Variants in ADCY3 observed in about 807,000 individuals in gnomAD.
ADCY3 encodes adenylate cyclase 3, also known as adenylate cyclase type 3.
Under a neutral mutation model 119.4 loss-of-function variants are expected in ADCY3, and 70 were observed. The ratio of observed to expected loss-of-function variants is 0.59; its 90% confidence interval spans 0.48 to 0.72. The LOEUF is 0.72. ADCY3 is among the 30% of genes least tolerant of loss of function. The pLI, the probability that ADCY3 is intolerant of heterozygous loss-of-function variation, is 0.00. For missense variants in ADCY3, 1,238 were observed against 1,541.6 expected, an observed-to-expected ratio of 0.80 and a Z score of 3.30; for synonymous variants, 672 against 621.4, an observed-to-expected ratio of 1.08 and a Z score of -1.21.
rs1478878534 is a variant in ADCY3 at position 24,842,599 on chromosome 2, T to C, written c.826-215A>G. On this transcript the variant is annotated intron_variant, in intron 3 of 21. Coordinates refer to ENST00000679454, the MANE Select transcript of ADCY3 (RefSeq NM_004036.5). This position sits in a 1 kb window ranked among gnomAD's most constrained non-coding sequence, Gnocchi z 4.9. The stretch of plus-strand genomic sequence containing the variant: ...CAAGGCTGAGGGTGGCAATGGCCCC[T>C]TCAGAGCAACTGAGGGGAGCCAGAA... 2 of 574,144 alleles carry C rather than the reference T, an allele frequency of 3.5e-6. No individual in the cohort carries two copies. The highest frequency in any genetic ancestry group is 4.3e-4 in the Middle Eastern group (1 of 2,320). 35.6% of individuals were successfully genotyped at this position (574,144 alleles called of 1,614,324 possible). A position where few individuals can be genotyped will look rare whatever the true frequency, so the allele number is the denominator to read the frequency against.
chr2:24,866,587 A>AG (rs1674346523), intron 3 of ADCY3, among the ~76,000 whole-genome samples: 1 of 140,880 alleles, frequency 7.1e-6, no homozygotes, highest in South Asian at 2.3e-4. Flanking sequence ...AAAAAAAAAG[A>AG]AAAAAAAAAA....
At chr2:24,825,464 A>G in intron 16 of ADCY3, 1 of 153,084 alleles carries the variant, frequency 6.5e-6, no homozygotes, top group East Asian at 1.9e-4. Flanking sequence ...CCTCTCAAGT[A>G]GCTGGGATTA....
At chr2:24,908,867 G>A (rs13382979) in intron 2 of ADCY3, among the ~76,000 whole-genome samples, 49,041 of 150,152 alleles carry the variant, frequency 0.33, 8,041 homozygotes, top group East Asian at 0.38. Context: ...AAGCAGGGGC[G>A]GGTTACAGAT....
In ADCY3 at chr2:24,827,599, C is replaced by G. The variant is rs1668804891; in HGVS notation, c.2442G>C (p.Met814Ile). Residue 814 changes from methionine (M) to isoleucine (I), a missense_variant, in exon 15 of 22, where the codon ATG (methionine) becomes ATC (isoleucine). Transcript: ENST00000679454. ...ATCCTTGCATCTGCTCTAAGGCCAC[C>G]ATAGGTAAGCTGTTGGACAGATAAC... ...HKRFREHDLP[M>I]VALEQMQGFN... 3 of 1,586,430 alleles carry G rather than the reference C, an allele frequency of 1.9e-6. No individual in the cohort carries two copies. The African/African-American group carries it at 4.0e-5, about 21-fold the overall frequency.
Position 24,838,484 on chromosome 2 carries a change from C to T in ADCY3, c.1494G>A (p.Glu498=), listed in dbSNP as rs144223261. 1 of 1,613,836 alleles carries T rather than the reference C, an allele frequency of 6.2e-7. No homozygotes were observed. Among genetic ancestry groups the T allele is most frequent in the Non-Finnish European group, 8.5e-7 (1 of 1,180,040 alleles). ...ETYLIIASKP[E]VKKTATQNGL... ...CATTCTGGGTGGCTGTTTTCTTCAC[C>T]TCTGGCTTGGAGGCAATGATGAGGT... is the stretch of plus-strand genomic sequence containing the variant. The change falls in exon 8 of 22, where the codon GAG becomes GAA. Residue 498 remains glutamate (E), a synonymous_variant. Coordinates refer to ENST00000679454, the MANE Select transcript of ADCY3 (RefSeq NM_004036.5).
At chr2:24,820,274 C>T (rs558434136) in intron 21 of ADCY3, 160 bp from the exon 22 acceptor site, 31 of 1,226,098 alleles carry the variant, frequency 2.5e-5, no homozygotes, top group African/African-American at 9.3e-5. Flanking sequence ...CCACCCGTGG[C>T]GAGCAGCGGG....
chr2:24,909,748 C>T (rs368904014), intron 2 of ADCY3, among the ~76,000 whole-genome samples: 25 of 152,110 alleles, frequency 1.6e-4, no homozygotes, highest in East Asian at 9.6e-4. Flanking sequence ...TAATTAGTTC[C>T]GTCTCCCCAG....
rs949149087 is a variant in ADCY3, at chr2:24,841,790, C to T, written c.957-123G>A. 12 of 709,440 alleles carry T rather than the reference C, an allele frequency of 1.7e-5. No homozygotes were observed. Among genetic ancestry groups the T allele is most frequent in the African/African-American group, 8.8e-5 (5 of 56,594 alleles). 43.9% of individuals were successfully genotyped at this position (709,440 alleles called of 1,614,324 possible). On this transcript the variant is annotated intron_variant, in intron 4 of 21. Coordinates refer to ENST00000679454, the MANE Select transcript of ADCY3 (RefSeq NM_004036.5). This position sits in a 1 kb window ranked among gnomAD's most constrained non-coding sequence, Gnocchi z 5.8. ...CAGGGCAGGAGAAGGTCCTCCCTCA[C>T]GACCCCCAGACAGTGAGACCCTGAC...
chr2:24,917,244 C>A (rs1664570064), intron 2 of ADCY3, among the ~76,000 whole-genome samples: 1 of 152,226 alleles, frequency 6.6e-6, no homozygotes, highest in Non-Finnish European at 1.5e-5. Flanking sequence ...CCTGCCTCTC[C>A]TGACACCCAG....
rs1675121532 is a variant in ADCY3, at chr2:24,872,344, G to A, written c.825+226C>T. Among the ~76,000 whole-genome samples, 1 of 152,304 alleles carries A rather than the reference G, an allele frequency of 6.6e-6. No individual in the cohort carries two copies. ...CAGGAAGGCAGAAGAGGAGAGATCTGGGTCAAGCAGAAGCAGATTTAGGAG... is the reference window on the plus strand; with the variant it reads ...CAGGAAGGCAGAAGAGGAGAGATCTAGGTCAAGCAGAAGCAGATTTAGGAG... On this transcript the variant is annotated intron_variant, in intron 3 of 21. Transcript: ENST00000679454. The surrounding 1 kb of genome is among the most constrained non-coding windows in gnomAD (Gnocchi z 4.4).
chr2:24,907,110 C>A (rs909548110), intron 2 of ADCY3, among the ~76,000 whole-genome samples: 1 of 152,060 alleles, frequency 6.6e-6, no homozygotes, highest in Non-Finnish European at 1.5e-5. Context: ...AAGAGCAAAA[C>A]TCCATCTCAA....
chr2:24,900,378 A>T (rs1678767602), intron 2 of ADCY3, among the ~76,000 whole-genome samples: 1 of 151,830 alleles, frequency 6.6e-6, no homozygotes, highest in African/African-American at 2.4e-5. Context: ...AATTTTTTAA[A>T]AACGTAAATG....
chr2:24,835,567 A>G (rs977984604), intron 9 of ADCY3, among the ~76,000 whole-genome samples: 5 of 152,186 alleles, frequency 3.3e-5, no homozygotes, highest in African/African-American at 9.7e-5. Flanking sequence ...TGACACAGCC[A>G]TCAGTCTGAA....
Position 24,830,828 on chromosome 2 carries a change from A to G in ADCY3, c.2056-3T>C, listed in dbSNP as rs1159372513. On this transcript the variant is annotated splice_polypyrimidine_tract_variant and splice_region_variant and intron_variant, in intron 12 of 21. Transcript: ENST00000679454. Reference sequence around the variant, plus strand: ...GCCACAAGCTTCTTAGGAAAGGCCTAGAAGGAACAGAATTTCAAGGGCCAT... The same window carrying G: ...GCCACAAGCTTCTTAGGAAAGGCCTGGAAGGAACAGAATTTCAAGGGCCAT... 6.2e-7 allele frequency: 1 copy of G among 1,610,834 alleles called. No individual in the cohort carries two copies. Among genetic ancestry groups the G allele is most frequent in the Non-Finnish European group, 8.5e-7 (1 of 1,177,456 alleles).
At chr2:24,875,304 A>G (rs1410037185) in intron 2 of ADCY3, among the ~76,000 whole-genome samples, 1 of 152,180 alleles carries the variant, frequency 6.6e-6, no homozygotes, top group African/African-American at 2.4e-5. Context: ...CTCTCCCACA[A>G]AGTCGTGGCT....
intron 2 of ADCY3, among the ~76,000 whole-genome samples, chr2:24,882,093 T>C (rs1302479397): frequency 6.6e-6 from 1 of 152,240 alleles, no homozygotes; most frequent in African/African-American, 2.4e-5. Context: ...AACAAGTAGA[T>C]TTATTTTTAT....
At chr2:24,887,405 G>A (rs570322422) in intron 2 of ADCY3, among the ~76,000 whole-genome samples, 5 of 152,226 alleles carry the variant, frequency 3.3e-5, no homozygotes, top group Admixed American at 2.6e-4. Context: ...TTCCACCTGC[G>A]AGCTCCACGG....
chr2:24,820,774 C>T lies in ADCY3; in HGVS notation c.3202G>A (p.Val1068Ile). 1 of 1,614,120 alleles carries T rather than the reference C, an allele frequency of 6.2e-7. No individual in the cohort carries two copies. Among genetic ancestry groups the T allele is most frequent in the Non-Finnish European group, 8.5e-7 (1 of 1,180,002 alleles). The change falls in exon 21 of 22, where the codon GTC becomes ATC. Residue 1068 changes from valine to isoleucine, a missense_variant. Transcript: ENST00000679454. Reference sequence around the variant, plus strand: ...GACTCCATCCTGCTGGCTACATTGACTGTATTGCCCCAGATGTCGTAGTGT... The same window carrying T: ...GACTCCATCCTGCTGGCTACATTGATTGTATTGCCCCAGATGTCGTAGTGT... ...KPHYDIWGNT[V>I]NVASRMESTG...
rs35242892 is a variant in ADCY3 at position 24,884,472 on chromosome 2, T to TC, written c.676-11754_676-11753insG. 6.0e-3 allele frequency among the ~76,000 whole-genome samples: 366 copies of TC among 61,372 alleles called. 4 individuals are homozygous for TC. Among genetic ancestry groups the TC allele is most frequent in the Admixed American group, 0.014 (105 of 7,592 alleles). 40.3% of individuals were successfully genotyped at this position (61,372 alleles called of 152,430 possible). On this transcript the variant is annotated intron_variant, in intron 2 of 21. Coordinates refer to ENST00000679454, the MANE Select transcript of ADCY3 (RefSeq NM_004036.5). ...TTATTGTCTTTATTTTCTAATAATC[T>TC]TTTTTTTTTTTTTTTTTTTTTGAGA...
Sources: gnomAD v4.1 joint callset for allele counts (sites outside exome capture counted in the v4.1 genomes callset) on GRCh38, gnomAD v4.1.1 for gene constraint, Gnocchi (gnomAD v3.1) non-coding constraint, MANE v1.5 for transcripts, NCBI Gene and HGNC (gene_info 2026-07-23, HGNC 2026-07-21) for gene names.